Variants in CLSTN2 observed in about 807,000 individuals in gnomAD.
The protein encoded by CLSTN2 is calsyntenin 2, also known as calsyntenin-2.
Under a neutral mutation model 101.2 loss-of-function variants are expected in CLSTN2, and 48 were observed. That is an observed-to-expected ratio of 0.47 (90% confidence interval 0.38 to 0.60). The LOEUF is 0.60. Among genes scored for constraint, CLSTN2 ranks in the 20% least tolerant of loss-of-function variants. CLSTN2 has a pLI of 0.00. For missense variants in CLSTN2, 1,160 were observed against 1,238.2 expected (o/e 0.94, Z 0.95); for synonymous variants, 481 against 463.6 (o/e 1.04, Z -0.48).
intron 1 of CLSTN2, among the ~76,000 whole-genome samples, chr3:139,964,543 G>A (rs999452866): frequency 6.6e-6 from 1 of 152,126 alleles, no homozygotes; most frequent in African/African-American, 2.4e-5. Flanking sequence ...GTTAAGGGAG[G>A]AACCTGCCAT....
rs187563486 is a variant in CLSTN2, at chr3:140,158,818, C to T, written c.110-17133C>T. 5.9e-3 allele frequency among the ~76,000 whole-genome samples: 904 copies of T among 152,190 alleles called. 6 individuals carry two copies. The highest frequency in any genetic ancestry group is 1.0e-2 in the Non-Finnish European group (678 of 67,982). ...AGTAACCAAAACAGCATGGTACTGGCACAAAAACAGACACATGGACGAATG... is the reference window on the plus strand; with the variant it reads ...AGTAACCAAAACAGCATGGTACTGGTACAAAAACAGACACATGGACGAATG... On this transcript the variant is annotated intron_variant, in intron 1 of 16. Coordinates refer to ENST00000458420, the MANE Select transcript of CLSTN2 (RefSeq NM_022131.3).
At chr3:140,179,752 C>G (rs2010380819) in intron 2 of CLSTN2, among the ~76,000 whole-genome samples, 1 of 145,872 alleles carries the variant, frequency 6.9e-6, no homozygotes, top group African/African-American at 2.5e-5. Flanking sequence ...TTTTAAATGA[C>G]TACATGATTT....
intron 7 of CLSTN2, among the ~76,000 whole-genome samples, chr3:140,464,568 G>A (rs1576582653): frequency 6.6e-6 from 1 of 152,240 alleles, no homozygotes; most frequent in Non-Finnish European, 1.5e-5. Flanking sequence ...GAGAAAGGGA[G>A]TAGAAGGAGG....
intron 8 of CLSTN2, among the ~76,000 whole-genome samples, chr3:140,531,332 A>C (rs940925442): frequency 3.9e-5 from 6 of 152,256 alleles, no homozygotes; most frequent in Non-Finnish European, 8.8e-5. Flanking sequence ...TAATGAAAAA[A>C]ATCTTATTTC....
intron 1 of CLSTN2, among the ~76,000 whole-genome samples, chr3:140,086,430 T>C (rs1466672465): frequency 6.6e-6 from 1 of 152,212 alleles, no homozygotes; most frequent in Non-Finnish European, 1.5e-5. Context: ...TCATATGTCA[T>C]TGAGAATATT....
At chr3:140,545,653 G>C (rs1324715329) in intron 9 of CLSTN2, among the ~76,000 whole-genome samples, 4 of 152,200 alleles carry the variant, frequency 2.6e-5, no homozygotes, top group Non-Finnish European at 4.4e-5. Context: ...GGCTTCAAAT[G>C]GACCTCAGAG....
At chr3:140,465,669 G>A (rs1049090912) in intron 7 of CLSTN2, among the ~76,000 whole-genome samples, 4 of 152,120 alleles carry the variant, frequency 2.6e-5, no homozygotes, top group Non-Finnish European at 5.9e-5. Context: ...CCATTCTTGG[G>A]ATACATTATG....
intron 1 of CLSTN2, among the ~76,000 whole-genome samples, chr3:140,150,909 T>C (rs2009854684): frequency 1.3e-5 from 2 of 152,062 alleles, no homozygotes; most frequent in Non-Finnish European, 2.9e-5. Flanking sequence ...ATATTAATAT[T>C]AATAATAAAA....
intron 2 of CLSTN2, among the ~76,000 whole-genome samples, chr3:140,194,588 G>T (rs2010618556): frequency 6.6e-6 from 1 of 151,994 alleles, no homozygotes; most frequent in Non-Finnish European, 1.5e-5. Flanking sequence ...TTGAAATCTG[G>T]GCAATTTTGT....
At chr3:140,459,272 T>C (rs1354926412) in intron 6 of CLSTN2, among the ~76,000 whole-genome samples, 1 of 152,240 alleles carries the variant, frequency 6.6e-6, no homozygotes, top group Admixed American at 6.5e-5. Context: ...CGACACTTTT[T>C]TCTTGCATCC....
At chr3:140,249,368 T>A (rs2086542646) in intron 2 of CLSTN2, among the ~76,000 whole-genome samples, 1 of 152,146 alleles carries the variant, frequency 6.6e-6, no homozygotes, top group Non-Finnish European at 1.5e-5. Flanking sequence ...CTGACAACAT[T>A]GTGGTTTGGA....
At chr3:140,179,785 G>A (rs1034270035) in intron 2 of CLSTN2, among the ~76,000 whole-genome samples, 2 of 151,840 alleles carry the variant, frequency 1.3e-5, no homozygotes, top group Admixed American at 6.6e-5. Context: ...GTGTTCTAGA[G>A]TTTACCATTC....
chr3:140,140,186 A>G (rs908730854), intron 1 of CLSTN2, among the ~76,000 whole-genome samples: 3 of 152,192 alleles, frequency 2.0e-5, no homozygotes, highest in African/African-American at 4.8e-5. Context: ...ACCTCTGTCT[A>G]GGCAGCCTAC....
chr3:139,999,016 A>T (rs2006758151), intron 1 of CLSTN2, among the ~76,000 whole-genome samples: 1 of 151,326 alleles, frequency 6.6e-6, no homozygotes, highest in African/African-American at 2.4e-5. Flanking sequence ...TGAATCCTTT[A>T]ATGACCCCAT....
At position 140,174,711 on chromosome 3, in the gene CLSTN2, G is replaced by A. The variant is rs555089264; in HGVS notation, c.110-1240G>A. Among the ~76,000 whole-genome samples the A allele has an allele frequency of 5.3e-5, 8 of 152,270 alleles. No individual in the cohort carries two copies. The East Asian group carries it at 9.7e-4, about 18-fold the overall frequency. On this transcript the variant is annotated intron_variant, in intron 1 of 16. Coordinates refer to ENST00000458420, the MANE Select transcript of CLSTN2 (RefSeq NM_022131.3). ...AGAAAACCATCAGATCTTGTGAGAC[G>A]TATTCACAACCACGAGAACAGTGTG...
chr3:140,123,783 T>A (rs2009383768), intron 1 of CLSTN2, among the ~76,000 whole-genome samples: 1 of 151,800 alleles, frequency 6.6e-6, no homozygotes, highest in African/African-American at 2.4e-5. Flanking sequence ...TGCATTCACA[T>A]GAGGGGAGAG....
chr3:140,018,391 CG>C (rs770962286), intron 1 of CLSTN2, among the ~76,000 whole-genome samples: 22 of 152,162 alleles, frequency 1.4e-4, no homozygotes, highest in Admixed American at 8.5e-4. Context: ...TGCTTGAGCA[CG>C]GGGGTTGGCT....
intron 5 of CLSTN2, among the ~76,000 whole-genome samples, chr3:140,428,606 G>A (rs948750029): frequency 1.6e-4 from 25 of 152,126 alleles, no homozygotes; most frequent in Admixed American, 1.5e-3. Flanking sequence ...TGATCCCATG[G>A]CAGCTAATTA....
chr3:140,405,542 T>C (rs530208822), intron 4 of CLSTN2, among the ~76,000 whole-genome samples: 31 of 134,346 alleles, frequency 2.3e-4, no homozygotes, highest in Non-Finnish European at 1.3e-4. Context: ...CAGGACTTTA[T>C]AAAGTTCTTG....
Sources: allele counts gnomAD v4.1 joint callset (sites outside exome capture counted in the v4.1 genomes callset), GRCh38; gene constraint gnomAD v4.1.1; transcripts MANE v1.5; gene names NCBI Gene and HGNC (gene_info 2026-07-23, HGNC 2026-07-21).